GALNTL6: variants seen among roughly 807,000 people sequenced by gnomAD.
GALNTL6 encodes the protein polypeptide N-acetylgalactosaminyltransferase like 6.
A neutral mutation model predicts 73.7 loss-of-function variants in GALNTL6; 46 were observed. The observed-to-expected ratio is 0.62, with a 90% CI of 0.49 to 0.80. The LOEUF is 0.80. Ranked by LOEUF, GALNTL6 falls within the 30% of genes least tolerant of loss-of-function variation. The probability of loss-of-function intolerance (pLI) is 0.00; values close to 1 mark genes in which losing one functional copy is unlikely to be tolerated. For synonymous variants in GALNTL6, 259 were observed against 263.7 expected, an observed-to-expected ratio of 0.98 and a Z score of 0.17; for missense variants, 604 against 755.0, an observed-to-expected ratio of 0.80 and a Z score of 2.34.
At chr4:172,583,752 T>G (rs1011762527) in intron 5 of GALNTL6, among the ~76,000 whole-genome samples, 3 of 151,430 alleles carry the variant, frequency 2.0e-5, no homozygotes, top group South Asian at 2.1e-4. Context: ...ATACAAAAAT[T>G]ATCCGGGGGT....
At chr4:172,213,216 T>A (rs981265970) in intron 2 of GALNTL6, among the ~76,000 whole-genome samples, 1 of 152,198 alleles carries the variant, frequency 6.6e-6, no homozygotes, top group African/African-American at 2.4e-5. Context: ...TGCTTGCAGT[T>A]TGTGGGGATT....
At chr4:172,943,946 G>C (rs1749032397) in intron 9 of GALNTL6, among the ~76,000 whole-genome samples, 1 of 152,026 alleles carries the variant, frequency 6.6e-6, no homozygotes, top group Non-Finnish European at 1.5e-5. Context: ...ATCCAGAGAA[G>C]TAAATAAACA....
intron 2 of GALNTL6, among the ~76,000 whole-genome samples, chr4:172,009,120 A>T (rs1740924420): frequency 6.6e-6 from 1 of 151,956 alleles, no homozygotes; most frequent in Non-Finnish European, 1.5e-5. Context: ...GAGATATAGG[A>T]CCTATATATT....
chr4:172,448,505 A>C (rs1036672728), intron 5 of GALNTL6, among the ~76,000 whole-genome samples: 1 of 152,304 alleles, frequency 6.6e-6, no homozygotes, highest in Middle Eastern at 3.4e-3. Flanking sequence ...ACACATCAGA[A>C]GTTACTCATA....
intron 4 of GALNTL6, among the ~76,000 whole-genome samples, chr4:172,323,655 C>G (rs574335265): frequency 5.3e-5 from 8 of 152,142 alleles, no homozygotes; most frequent in African/African-American, 1.9e-4. Context: ...AATTGGTTTG[C>G]TAACTATAAT....
intron 5 of GALNTL6, among the ~76,000 whole-genome samples, chr4:172,791,534 G>C (rs1026095481): frequency 6.6e-6 from 1 of 152,244 alleles, no homozygotes; most frequent in South Asian, 2.1e-4. Context: ...AAAAGATAAC[G>C]GAATGTGGAA....
chr4:172,481,258 C>T (rs1271896442), intron 5 of GALNTL6, among the ~76,000 whole-genome samples: 5 of 152,006 alleles, frequency 3.3e-5, no homozygotes, highest in East Asian at 3.9e-4. Context: ...GTTGTTCATT[C>T]CTCCCGGTGG....
chr4:172,349,841 A>ATT (rs1365040936), intron 5 of GALNTL6, among the ~76,000 whole-genome samples: 3 of 78,182 alleles, frequency 3.8e-5, no homozygotes, highest in African/African-American at 9.9e-5. Flanking sequence ...ATATATATAT[A>ATT]TATATTTTTT....
chr4:172,734,192 TC>T (rs1736316412), intron 5 of GALNTL6, among the ~76,000 whole-genome samples: 1 of 152,176 alleles, frequency 6.6e-6, no homozygotes, highest in Non-Finnish European at 1.5e-5. Context: ...GGAAGAAATT[TC>T]TAAGCAGCAT....
intron 2 of GALNTL6, among the ~76,000 whole-genome samples, chr4:171,938,650 GAC>G (rs1738427261): frequency 6.6e-6 from 1 of 151,964 alleles, no homozygotes; most frequent in African/African-American, 2.4e-5. Flanking sequence ...GTGAAGATAA[GAC>G]ACACTCTTTC....
chr4:172,338,382 A>T (rs1741421345), intron 4 of GALNTL6, among the ~76,000 whole-genome samples: 1 of 151,662 alleles, frequency 6.6e-6, no homozygotes, highest in African/African-American at 2.4e-5. Flanking sequence ...TTTCATCTGG[A>T]GATCCTGGCA....
At chr4:171,864,345 A>T (rs1479095526) in intron 2 of GALNTL6, among the ~76,000 whole-genome samples, 1 of 151,360 alleles carries the variant, frequency 6.6e-6, no homozygotes, top group East Asian at 2.0e-4. Flanking sequence ...AAAATGAAAG[A>T]CAACTCAGTC....
chr4:172,172,882 T>A (rs1734877477), intron 2 of GALNTL6, among the ~76,000 whole-genome samples: 1 of 152,248 alleles, frequency 6.6e-6, no homozygotes, highest in African/African-American at 2.4e-5. Context: ...ATATTGTTTT[T>A]AATAAGCAAT....
At chr4:172,886,777 A>G (rs940668301) in intron 8 of GALNTL6, among the ~76,000 whole-genome samples, 4 of 152,016 alleles carry the variant, frequency 2.6e-5, no homozygotes, top group African/African-American at 7.3e-5. Flanking sequence ...AAAAAAAAAA[A>G]TCAATTTTAC....
At chr4:172,959,273 G>T (rs902069918) in intron 10 of GALNTL6, among the ~76,000 whole-genome samples, 3 of 152,036 alleles carry the variant, frequency 2.0e-5, no homozygotes, top group African/African-American at 7.2e-5. Flanking sequence ...GGGAAAAGGT[G>T]GCAATGAGGT....
intron 10 of GALNTL6, among the ~76,000 whole-genome samples, chr4:172,964,503 CAT>C (rs1053453734): frequency 3.3e-5 from 5 of 152,190 alleles, no homozygotes; most frequent in Admixed American, 6.5e-5. Flanking sequence ...TTTAAAAATT[CAT>C]GTCAATACCG....
chr4:172,997,044 A>G (rs1294507433), intron 10 of GALNTL6, among the ~76,000 whole-genome samples: 1 of 152,088 alleles, frequency 6.6e-6, no homozygotes, highest in Non-Finnish European at 1.5e-5. Context: ...ATCCCTTGGC[A>G]GCCCCGAGTG....
intron 2 of GALNTL6, among the ~76,000 whole-genome samples, chr4:172,008,057 T>C (rs962331838): frequency 2.0e-5 from 3 of 152,128 alleles, no homozygotes; most frequent in African/African-American, 7.2e-5. Flanking sequence ...ATAATTATAT[T>C]TTGTGACTAA....
At chr4:172,001,840 G>T (rs1000284327) in intron 2 of GALNTL6, among the ~76,000 whole-genome samples, 1 of 152,132 alleles carries the variant, frequency 6.6e-6, no homozygotes, top group African/African-American at 2.4e-5. Flanking sequence ...CAAAGTACAG[G>T]TTTGTAATTT....
Sources: gnomAD v4.1 joint callset for allele counts (sites outside exome capture counted in the v4.1 genomes callset) on GRCh38, gnomAD v4.1.1 for gene constraint, MANE v1.5 for transcripts, NCBI Gene and HGNC (gene_info 2026-07-23, HGNC 2026-07-21) for gene names.